PLXNA4: variants seen among roughly 807,000 people sequenced by gnomAD.
PLXNA4 encodes the protein plexin A4.
Under a neutral mutation model 191.8 loss-of-function variants are expected in PLXNA4, and 44 were observed. The ratio of observed to expected loss-of-function variants is 0.23; its 90% CI spans 0.18 to 0.29. The LOEUF is 0.29. Among genes scored for constraint, PLXNA4 ranks in the 10% least tolerant of loss-of-function variants. PLXNA4 has a pLI of 1.00. For missense variants in PLXNA4, 1,800 were observed against 2,488.8 expected, an observed-to-expected ratio of 0.72 and a Z score of 5.89; for synonymous variants, 1,082 against 1,009.5, an observed-to-expected ratio of 1.07 and a Z score of -1.36.
intron 1 of PLXNA4, among the ~76,000 whole-genome samples, chr7:132,519,226 T>C (rs910643277): frequency 1.3e-5 from 2 of 152,220 alleles, no homozygotes; most frequent in African/African-American, 4.8e-5. Context: ...CAAGACCTGC[T>C]CTGCAAAATG....
intron 27 of PLXNA4, among the ~76,000 whole-genome samples, chr7:132,147,298 G>T (rs2671110): frequency 0.26 from 40,144 of 152,236 alleles, 12,358 homozygotes; most frequent in African/African-American, 0.75. Context: ...TTCATCTATT[G>T]ATTATCTAGA....
chr7:132,430,842 C>A (rs1404363274), intron 3 of PLXNA4, among the ~76,000 whole-genome samples: 1 of 152,168 alleles, frequency 6.6e-6, no homozygotes, highest in Non-Finnish European at 1.5e-5. Flanking sequence ...TACATAAGGA[C>A]TGGATAAGCA....
intron 1 of PLXNA4, among the ~76,000 whole-genome samples, chr7:132,575,742 G>A (rs1802194374): frequency 1.3e-5 from 2 of 152,178 alleles, no homozygotes; most frequent in Admixed American, 1.3e-4. Flanking sequence ...GCCGCTTTCT[G>A]CCTGAAATCT....
intron 4 of PLXNA4, among the ~76,000 whole-genome samples, chr7:132,280,734 C>T (rs1800450010): frequency 6.6e-6 from 1 of 152,172 alleles, no homozygotes; most frequent in Admixed American, 6.5e-5. Flanking sequence ...GTCTACACAA[C>T]AAACTCTTGG....
intron 3 of PLXNA4, among the ~76,000 whole-genome samples, chr7:132,388,689 C>T (rs184438846): frequency 2.0e-5 from 3 of 152,268 alleles, no homozygotes; most frequent in African/African-American, 4.8e-5. Context: ...TCCTAAGAGG[C>T]TTTGGGGCCT....
At chr7:132,393,184 C>A (rs1010330544) in intron 3 of PLXNA4, among the ~76,000 whole-genome samples, 26 of 148,106 alleles carry the variant, frequency 1.8e-4, no homozygotes, top group Non-Finnish European at 3.1e-4. Context: ...AACATTGACC[C>A]CCAACACCCC....
In PLXNA4 at chr7:132,508,669, T is replaced by C. The variant is rs762756762; in HGVS notation, c.25A>G (p.Thr9Ala). 2 of 1,547,576 alleles carry C rather than the reference T, an allele frequency of 1.3e-6. No homozygotes were observed. The highest frequency in any genetic ancestry group is 1.4e-5 in the African/African-American group (1 of 73,472). MKAMPWNW[T>A]CLLSHLLMVG... is the part of the protein sequence containing the mutation. ...ATGAGGAGGTGGGAGAGAAGGCAGGTCCAGTTCCAGGGCATGGCTTTCATG... is the reference window on the plus strand; with the variant it reads ...ATGAGGAGGTGGGAGAGAAGGCAGGCCCAGTTCCAGGGCATGGCTTTCATG... Residue 9 changes from threonine (T) to alanine (A), a missense_variant, in exon 2 of 32, where the codon ACC becomes GCC. This residue lies in a region of PLXNA4 where 1,397 missense variants were observed against 1,880.4 expected (regional missense o/e 0.74). Transcript: ENST00000321063. The surrounding 1 kb of genome is among the most constrained non-coding windows in gnomAD (Gnocchi z 4.4).
intron 1 of PLXNA4, among the ~76,000 whole-genome samples, chr7:132,533,044 C>T (rs968183150): frequency 6.6e-6 from 1 of 152,178 alleles, no homozygotes; most frequent in Non-Finnish European, 1.5e-5. Flanking sequence ...ACTTCCAAAC[C>T]GAAGGGATTT....
At chr7:132,352,146 C>A (rs888470162) in intron 3 of PLXNA4, among the ~76,000 whole-genome samples, 14 of 152,302 alleles carry the variant, frequency 9.2e-5, no homozygotes, top group African/African-American at 3.4e-4. Flanking sequence ...CTCACAGCTT[C>A]CCCACTTCCC....
In PLXNA4 at chr7:132,421,944, C is replaced by T. The variant is rs571288408; in HGVS notation, c.1371+67348G>A. On this transcript the variant is annotated intron_variant, in intron 3 of 31. Coordinates refer to ENST00000321063, the MANE Select transcript of PLXNA4 (RefSeq NM_020911.2). ...CCAATGTCTTTCTGTATTCTTCACC[C>T]TCCTTGGCTGTGAAATAGATCAAAT... Among the ~76,000 whole-genome samples the T allele has an allele frequency of 1.1e-4, 16 of 152,330 alleles. No individual in the cohort carries two copies. The South Asian group carries it at 2.5e-3, about 24-fold the overall frequency.
intron 3 of PLXNA4, among the ~76,000 whole-genome samples, chr7:132,322,184 C>CTGTCTT (rs376377991): frequency 8.2e-6 from 1 of 122,496 alleles, no homozygotes; most frequent in Non-Finnish European, 1.7e-5. Context: ...CCTAAAAGGG[C>CTGTCTT]TTTTTTTTTT....
chr7:132,248,491 A>AG (rs1799135170), intron 4 of PLXNA4, among the ~76,000 whole-genome samples: 1 of 152,158 alleles, frequency 6.6e-6, no homozygotes, highest in African/African-American at 2.4e-5. Flanking sequence ...TGAAAGGTAG[A>AG]GGGGAGAGGT....
At chr7:132,207,157 T>C (rs1330448571) in intron 10 of PLXNA4, among the ~76,000 whole-genome samples, 1 of 152,074 alleles carries the variant, frequency 6.6e-6, no homozygotes, top group Non-Finnish European at 1.5e-5. Context: ...GAAGCTGGTA[T>C]GTACACTGTG....
intron 2 of PLXNA4, among the ~76,000 whole-genome samples, chr7:132,640,708 A>G (rs1349208389): frequency 1.3e-5 from 2 of 152,162 alleles, no homozygotes; most frequent in Non-Finnish European, 2.9e-5. Flanking sequence ...AAGCTGACCA[A>G]TACACCATGT....
intron 1 of PLXNA4, among the ~76,000 whole-genome samples, chr7:132,511,460 C>T (rs969460905): frequency 1.2e-4 from 19 of 152,168 alleles, no homozygotes; most frequent in African/African-American, 4.6e-4. Flanking sequence ...CTCATGTAAG[C>T]CCCAAACAGA....
intron 22 of PLXNA4, 59 bp from the exon 23 acceptor site, chr7:132,165,259 G>A: frequency 1.3e-6 from 2 of 1,581,480 alleles, no homozygotes; most frequent in Non-Finnish European, 1.7e-6. Context: ...CAGCTGGTCA[G>A]AGCCCGTGGG....
chr7:132,381,216 G>T (rs1804879574), intron 3 of PLXNA4, among the ~76,000 whole-genome samples: 1 of 152,204 alleles, frequency 6.6e-6, no homozygotes, highest in African/African-American at 2.4e-5. Flanking sequence ...GAGGCTCAGA[G>T]ATTCCTGCAA....
chr7:132,570,221 G>T (rs1801916926), intron 1 of PLXNA4, among the ~76,000 whole-genome samples: 1 of 152,158 alleles, frequency 6.6e-6, no homozygotes, highest in Non-Finnish European at 1.5e-5. Context: ...GGAAACTCTA[G>T]TCTATTTTAA....
chr7:132,629,624 CCAGT>C (rs1436550386), intron 2 of PLXNA4, among the ~76,000 whole-genome samples: 1 of 152,164 alleles, frequency 6.6e-6, no homozygotes, highest in African/African-American at 2.4e-5. Flanking sequence ...CTATTGCCAG[CCAGT>C]GTCTTAGCTT....
Sources: allele counts gnomAD v4.1 joint callset (sites outside exome capture counted in the v4.1 genomes callset), GRCh38; gene constraint gnomAD v4.1.1; regional missense constraint gnomAD v4.1.1; non-coding constraint Gnocchi (gnomAD v3.1); transcripts MANE v1.5; gene names NCBI Gene and HGNC (gene_info 2026-07-23, HGNC 2026-07-21).